Variants in CWF19L2 observed in about 807,000 individuals in gnomAD.
CWF19L2 encodes CWF19 like cell cycle control factor 2.
Under a neutral mutation model 111.7 loss-of-function variants are expected in CWF19L2, and 98 were observed. The ratio of observed to expected loss-of-function variants is 0.88; its 90% CI spans 0.75 to 1.04. The LOEUF is 1.04. Ranked by LOEUF, CWF19L2 falls within the 50% of genes least tolerant of loss-of-function variation. CWF19L2 has a pLI of 0.00. For synonymous variants in CWF19L2, 351 were observed against 342.9 expected, an observed-to-expected ratio of 1.02 and a Z score of -0.26; for missense variants, 1,101 against 1,051.4, an observed-to-expected ratio of 1.05 and a Z score of -0.65.
rs144803163 is a variant in CWF19L2 at position 107,336,784 on chromosome 11, T to C, written c.2203-71A>G. 6,121 of 830,240 alleles carry C rather than the reference T, an allele frequency of 7.4e-3. 39 individuals carry two copies. The highest frequency in any genetic ancestry group is 0.022 in the Admixed American group (584 of 27,096). The allele number at this position is 830,240 out of a possible 1,614,324, so 51.4% of individuals were successfully genotyped here. On this transcript the variant is annotated intron_variant, in intron 14 of 17. Coordinates refer to ENST00000282251, the MANE Select transcript of CWF19L2 (RefSeq NM_152434.3). The stretch of plus-strand genomic sequence containing the variant: ...TCAAAATCAAGCATATTCAAGATAT[T>C]TGAAATATGAAAACTTTAATAAAAA...
chr11:107,335,015 A>C, intron 15 of CWF19L2, 54 bp from the exon 16 acceptor site: 6 of 1,115,128 alleles, frequency 5.4e-6, no homozygotes, highest in Non-Finnish European at 8.2e-6. Flanking sequence ...AAATAAAAAG[A>C]AACAGCTTAT....
intron 10 of CWF19L2, among the ~76,000 whole-genome samples, chr11:107,394,307 G>A (rs1860891256): frequency 6.6e-6 from 1 of 152,018 alleles, no homozygotes; most frequent in Non-Finnish European, 1.5e-5. Context: ...TTAATGAAGT[G>A]CCATCTTTTA....
intron 8 of CWF19L2, among the ~76,000 whole-genome samples, chr11:107,418,600 A>T (rs1231171758): frequency 6.6e-6 from 1 of 152,116 alleles, no homozygotes; most frequent in African/African-American, 2.4e-5. Flanking sequence ...AACAAACAAA[A>T]AACGTTCGAA....
chr11:107,429,417 G>C lies in CWF19L2; in HGVS notation c.815C>G (p.Ala272Gly). 1 of 1,564,346 alleles carries C rather than the reference G, an allele frequency of 6.4e-7. No individual in the cohort carries two copies. Residue 272 changes from alanine to glycine, a missense_variant, in exon 8 of 18, where the codon GCT (alanine) becomes GGT (glycine). Ala to Gly is a moderately conservative substitution (Grantham distance 60, BLOSUM62 0). Transcript: ENST00000282251. ...TTCTTTCGTGGATGCAGCTTTTTCA[G>C]CATCTTCTAATTTTGACTGAAATAT... is the stretch of plus-strand genomic sequence containing the variant. Reference protein sequence around the residue: ...MEIFQSKLEDAEKAASTKEDY... With the variant: ...MEIFQSKLEDGEKAASTKEDY...
At chr11:107,442,784 AAGGAAGGAAGGGAGGGAGGGAGGGAGGG>A (rs1861642068) in intron 4 of CWF19L2, among the ~76,000 whole-genome samples, 127 bp downstream of exon 4, 1 of 46,046 alleles carries the variant, frequency 2.2e-5, no homozygotes, top group Non-Finnish European at 4.0e-5. Flanking sequence ...GGAAGGAAGG[AAGGAAGGAAGGGAGGGAGGGAGGGAGGG>A]AGGGAGGGGG....
intron 10 of CWF19L2, 36 bp downstream of exon 10, chr11:107,416,173 C>T: frequency 1.5e-6 from 1 of 652,694 alleles, no homozygotes; most frequent in South Asian, 3.8e-5. Flanking sequence ...GTAGTTTACA[C>T]AAGGTAATTA....
intron 12 of CWF19L2, among the ~76,000 whole-genome samples, chr11:107,381,475 G>T (rs7122204): frequency 0.035 from 5,265 of 152,184 alleles, 278 homozygotes; most frequent in African/African-American, 0.11. Context: ...AAAATATCAC[G>T]TTATTATTTT....
At chr11:107,426,312 T>G (rs1861375908) in intron 8 of CWF19L2, among the ~76,000 whole-genome samples, 1 of 151,846 alleles carries the variant, frequency 6.6e-6, no homozygotes, top group South Asian at 2.1e-4. Flanking sequence ...ACTACACATA[T>G]GGCAAAGATT....
At chr11:107,406,767 C>A (rs942821895) in intron 10 of CWF19L2, among the ~76,000 whole-genome samples, 30 of 147,872 alleles carry the variant, frequency 2.0e-4, no homozygotes, top group Non-Finnish European at 6.0e-5. Context: ...AAAATCATTT[C>A]TATTTATTTT....
intron 12 of CWF19L2, among the ~76,000 whole-genome samples, chr11:107,360,540 A>G (rs1188812478): frequency 6.6e-6 from 1 of 152,192 alleles, no homozygotes; most frequent in Non-Finnish European, 1.5e-5. Context: ...TTCTACTTTT[A>G]GTTCTTTGAG....
At chr11:107,395,085 T>G (rs1860903035) in intron 10 of CWF19L2, among the ~76,000 whole-genome samples, 2 of 152,204 alleles carry the variant, frequency 1.3e-5, no homozygotes, top group Admixed American at 1.3e-4. Flanking sequence ...AAATCTCATC[T>G]TGTAGCTCCC....
At chr11:107,400,025 G>A (rs777946245) in intron 10 of CWF19L2, among the ~76,000 whole-genome samples, 2 of 151,876 alleles carry the variant, frequency 1.3e-5, no homozygotes, top group African/African-American at 4.8e-5. Context: ...ACTGAAAGAC[G>A]GTAATGACAC....
At position 107,433,366 on chromosome 11, in the gene CWF19L2, C is replaced by T. The variant is rs1035884183; in HGVS notation, c.780+268G>A. On this transcript the variant is annotated intron_variant, in intron 7 of 17. Transcript: ENST00000282251. ...CCAGAAGTGTACCATGCAGACTTTCCGGCATTGTTTAAATTTTCTCACAAT... is the reference window on the plus strand; with the variant it reads ...CCAGAAGTGTACCATGCAGACTTTCTGGCATTGTTTAAATTTTCTCACAAT... Among the ~76,000 whole-genome samples the T allele has an allele frequency of 4.6e-5, 7 of 152,070 alleles. No homozygotes were observed. The South Asian group carries it at 6.2e-4, about 13-fold the overall frequency.
rs1289789333 is a variant in CWF19L2 at position 107,443,610 on chromosome 11, A to C, written c.340-561T>G. Among the ~76,000 whole-genome samples, 4 of 151,964 alleles carry C rather than the reference A, an allele frequency of 2.6e-5. No homozygotes were observed. The South Asian group carries it at 8.3e-4, about 32-fold the overall frequency. On this transcript the variant is annotated intron_variant, in intron 3 of 17. Coordinates refer to ENST00000282251, the MANE Select transcript of CWF19L2 (RefSeq NM_152434.3). ...GCCAAGAGAAGGCAAAAAAACAAAAATGGGAACTGCCAAGTAGAGACCTCA... is the reference window on the plus strand; with the variant it reads ...GCCAAGAGAAGGCAAAAAAACAAAACTGGGAACTGCCAAGTAGAGACCTCA...
At chr11:107,437,791 G>T (rs1861563758) in intron 6 of CWF19L2, among the ~76,000 whole-genome samples, 1 of 152,164 alleles carries the variant, frequency 6.6e-6, no homozygotes. Flanking sequence ...GATTGGGTTT[G>T]TCAATTCTAG....
chr11:107,344,964 C>T (rs951816562), intron 14 of CWF19L2, among the ~76,000 whole-genome samples: 3 of 152,150 alleles, frequency 2.0e-5, no homozygotes, highest in Non-Finnish European at 4.4e-5. Context: ...CTCATTACTG[C>T]TGGGTAGCAG....
intron 9 of CWF19L2, among the ~76,000 whole-genome samples, 168 bp from the exon 10 acceptor site, chr11:107,416,466 C>T (rs953506268): frequency 9.2e-5 from 14 of 152,168 alleles, no homozygotes; most frequent in Admixed American, 5.9e-4. Flanking sequence ...TTTTAATGAA[C>T]TTATCTCAGT....
At chr11:107,383,135 T>C (rs1860716357) in intron 12 of CWF19L2, among the ~76,000 whole-genome samples, 1 of 152,218 alleles carries the variant, frequency 6.6e-6, no homozygotes, top group Admixed American at 6.5e-5. Flanking sequence ...CTGAATTCTG[T>C]GAGCTGTTCC....
chr11:107,395,049 T>C (rs1860902608), intron 10 of CWF19L2, among the ~76,000 whole-genome samples: 1 of 152,200 alleles, frequency 6.6e-6, no homozygotes. Flanking sequence ...ATAGAACTGA[T>C]ATGGTTTGCC....
Sources: allele counts gnomAD v4.1 joint callset (sites outside exome capture counted in the v4.1 genomes callset), GRCh38; gene constraint gnomAD v4.1.1; transcripts MANE v1.5; gene names NCBI Gene and HGNC (gene_info 2026-07-23, HGNC 2026-07-21).